The following TSPAN14 variants were observed in gnomAD, a reference collection of about 807,000 sequenced individuals.
TSPAN14 encodes the protein tetraspanin 14.
Under a neutral mutation model 36.6 loss-of-function variants are expected in TSPAN14, and 16 were observed. The ratio of observed to expected loss-of-function variants is 0.44; its 90% CI spans 0.30 to 0.66. The LOEUF (loss-of-function observed/expected upper bound fraction) is 0.66, where lower values mean the gene tolerates loss of function less well. Among genes scored for constraint, TSPAN14 ranks in the 30% least tolerant of loss-of-function variants. TSPAN14 has a pLI of 0.12. For missense variants in TSPAN14, 231 were observed against 355.1 expected (o/e 0.65, Z 2.81); for synonymous variants, 139 against 143.8 (o/e 0.97, Z 0.24).
In TSPAN14 at chr10:80,495,335, C is replaced by CTGTG. The variant is rs3041272; in HGVS notation, c.81+6061_81+6064dup. Among the ~76,000 whole-genome samples, 1,186 of 135,652 alleles carry CTGTG rather than the reference C, an allele frequency of 8.7e-3. 9 individuals carry two copies. The highest frequency in any genetic ancestry group is 0.025 in the Middle Eastern group (7 of 276). The allele number at this position is 135,652 out of a possible 152,430, so 89.0% of individuals were successfully genotyped here. Reference sequence around the variant, plus strand: ...ATAGGAAGTTGACTGTCTTTTGGCACTGTGTGTGTGTGTGTGTGTGTGTGT... The same window carrying CTGTG: ...ATAGGAAGTTGACTGTCTTTTGGCACTGTGTGTGTGTGTGTGTGTGTGTGTGTGT... On this transcript the variant is annotated intron_variant, in intron 2 of 8. Transcript: ENST00000429989.
intron 1 of TSPAN14, among the ~76,000 whole-genome samples, chr10:80,463,485 A>G (rs1047769029): frequency 2.0e-5 from 3 of 152,220 alleles, no homozygotes; most frequent in Non-Finnish European, 4.4e-5. Context: ...CCCCAGTGGT[A>G]TACTAATTAT....
chr10:80,483,842 G>A (rs912745621), intron 1 of TSPAN14, among the ~76,000 whole-genome samples: 3 of 142,358 alleles, frequency 2.1e-5, no homozygotes, highest in East Asian at 2.0e-4. Context: ...CCCGGGAGGC[G>A]GAGGTTGCAG....
At chr10:80,459,097 C>G (rs1845858498) in intron 1 of TSPAN14, among the ~76,000 whole-genome samples, 1 of 152,142 alleles carries the variant, frequency 6.6e-6, no homozygotes, top group African/African-American at 2.4e-5. Flanking sequence ...GAAGCAAGAT[C>G]CAAAGCCCCT....
intron 2 of TSPAN14, among the ~76,000 whole-genome samples, chr10:80,490,485 T>C (rs1452869745): frequency 2.0e-5 from 3 of 152,144 alleles, no homozygotes; most frequent in Non-Finnish European, 1.5e-5. Flanking sequence ...GATTGTGTAT[T>C]GTAGAAGCCT....
intron 1 of TSPAN14, among the ~76,000 whole-genome samples, chr10:80,462,375 G>A (rs918268891): frequency 6.6e-6 from 1 of 150,522 alleles, no homozygotes; most frequent in Admixed American, 6.6e-5. Context: ...GGGATGGGGT[G>A]GGGTGGGGTG....
chr10:80,507,575 C>A (rs1187223749), intron 4 of TSPAN14, among the ~76,000 whole-genome samples: 1 of 152,218 alleles, frequency 6.6e-6, no homozygotes, highest in Non-Finnish European at 1.5e-5. Flanking sequence ...TAGGTACCCT[C>A]TGGTTTTTAG....
intron 1 of TSPAN14, among the ~76,000 whole-genome samples, chr10:80,471,930 A>C (rs999426468): frequency 6.6e-6 from 1 of 152,118 alleles, no homozygotes; most frequent in Admixed American, 6.5e-5. Context: ...TGATCCTAGC[A>C]CTTTGGGAGC....
chr10:80,507,469 G>GC, intron 4 of TSPAN14, 95 bp downstream of exon 4: 1 of 1,538,144 alleles, frequency 6.5e-7, no homozygotes, highest in Admixed American at 1.8e-5. Flanking sequence ...GCAGGTGGCA[G>GC]CTCTTAGGAG....
intron 1 of TSPAN14, among the ~76,000 whole-genome samples, chr10:80,465,672 A>G (rs1846200673): frequency 6.6e-6 from 1 of 152,226 alleles, no homozygotes; most frequent in African/African-American, 2.4e-5. Context: ...TGAGGTGCAC[A>G]CTAAAGAGAG....
chr10:80,520,454 C>G (rs1841202900), exon 9 of TSPAN14: 2 of 433,058 alleles, frequency 4.6e-6, no homozygotes, highest in Non-Finnish European at 9.3e-6. Flanking sequence ...CACTCCCCAC[C>G]TAGCACTGGC....
rs1840364107 is a variant in TSPAN14 at position 80,507,510 on chromosome 10, G to A, written c.279+136G>A. On this transcript the variant is annotated intron_variant, in intron 4 of 8. Transcript: ENST00000429989. ...CCTAGGCCCCTGCCTGGGAGCAGGA[G>A]GCAGCCATTTGCACTCTACTGTCTA... is the stretch of plus-strand genomic sequence containing the variant. The A allele has an allele frequency of 3.2e-6, 4 of 1,267,536 alleles. No homozygotes were observed. The Admixed American group carries it at 9.2e-5, about 29-fold the overall frequency. 78.5% of individuals were successfully genotyped at this position (1,267,536 alleles called of 1,614,324 possible). A position where few individuals can be genotyped will look rare whatever the true frequency, so the allele number is the denominator to read the frequency against.
intron 1 of TSPAN14, among the ~76,000 whole-genome samples, chr10:80,464,360 G>A (rs1052988837): frequency 2.0e-5 from 3 of 152,228 alleles, no homozygotes; most frequent in Admixed American, 6.5e-5. Flanking sequence ...TGTTTTGAGC[G>A]GGAGCTTCCT....
rs1428378610 is a variant in TSPAN14 at position 80,483,779 on chromosome 10, G to A, written c.-17-5438G>A. 2.6e-5 allele frequency among the ~76,000 whole-genome samples: 4 copies of A among 151,650 alleles called. No homozygotes were observed. The East Asian group carries it at 5.8e-4, about 22-fold the overall frequency. On this transcript the variant is annotated intron_variant, in intron 1 of 8. Transcript: ENST00000429989. ...ACAAAAATTAGTTGGACATGGTGTC[G>A]GTCGCCTGTAATCTCAGCTACTCAG... is the stretch of plus-strand genomic sequence containing the variant.
At chr10:80,458,733 A>T (rs1372433807) in intron 1 of TSPAN14, among the ~76,000 whole-genome samples, 1 of 152,190 alleles carries the variant, frequency 6.6e-6, no homozygotes, top group Non-Finnish European at 1.5e-5. Flanking sequence ...GGTTATTCAT[A>T]ATATCTCCAC....
chr10:80,500,608 C>T (rs1045194877), intron 2 of TSPAN14, among the ~76,000 whole-genome samples: 3 of 152,130 alleles, frequency 2.0e-5, no homozygotes, highest in Non-Finnish European at 4.4e-5. Flanking sequence ...CACTCGGCCT[C>T]CCAAAGTGCC....
intron 2 of TSPAN14, among the ~76,000 whole-genome samples, chr10:80,502,476 T>C (rs1024553144): frequency 6.6e-6 from 1 of 152,098 alleles, no homozygotes; most frequent in Non-Finnish European, 1.5e-5. Flanking sequence ...GCAGAGACAC[T>C]GGAGGAAAGC....
At chr10:80,474,216 G>T (rs1190200356) in intron 1 of TSPAN14, among the ~76,000 whole-genome samples, 1 of 152,138 alleles carries the variant, frequency 6.6e-6, no homozygotes, top group Non-Finnish European at 1.5e-5. Context: ...AGCCTCAAAG[G>T]CCAGGTGGTG....
chr10:80,519,527 T>TTTTA lies in TSPAN14; in HGVS notation c.*1551_*1552insTTTA, dbSNP rs1554870556. The TTTTA allele has an allele frequency of 4.6e-5, 7 of 152,106 alleles. No homozygotes were observed. In the East Asian group the frequency reaches 1.4e-3, roughly 29 times the overall value. The allele number at this position is 152,106 out of a possible 1,614,324, so 9.4% of individuals were successfully genotyped here. ...CTGTTGATGATGATTTTTTTTTTTT[T>TTTTA]ACACAATTCTCTGTAGACTAGGAGA... On this transcript the variant is annotated 3_prime_UTR_variant, in exon 9 of 9. Coordinates refer to ENST00000429989, the Ensembl canonical transcript of TSPAN14.
intron 1 of TSPAN14, among the ~76,000 whole-genome samples, chr10:80,476,104 G>C (rs1422842047): frequency 2.0e-5 from 3 of 152,312 alleles, no homozygotes; most frequent in South Asian, 2.1e-4. Flanking sequence ...GGGTGCGGGG[G>C]CTCACGCTTA....
Sources: allele counts gnomAD v4.1 joint callset (sites outside exome capture counted in the v4.1 genomes callset), GRCh38; gene constraint gnomAD v4.1.1; transcripts MANE v1.5; gene names NCBI Gene and HGNC (gene_info 2026-07-23, HGNC 2026-07-21).